GRIK5: variants seen among roughly 807,000 people sequenced by gnomAD.
The protein encoded by GRIK5 is glutamate ionotropic receptor kainate type subunit 5, also known as glutamate receptor ionotropic, kainate 5.
Under a neutral mutation model 97.4 loss-of-function variants are expected in GRIK5, and 43 were observed. The ratio of observed to expected loss-of-function variants is 0.44; its 90% CI spans 0.35 to 0.57. The LOEUF is 0.57. Among genes scored for constraint, GRIK5 ranks in the 20% least tolerant of loss-of-function variants. The pLI, the probability that GRIK5 is intolerant of heterozygous loss-of-function variation, is 0.01. For missense variants in GRIK5, 1,015 were observed against 1,382.0 expected, an observed-to-expected ratio of 0.73 and a Z score of 4.21; for synonymous variants, 580 against 583.5, an observed-to-expected ratio of 0.99 and a Z score of 0.09.
chr19:42,030,682 T>C (rs2075830893), intron 12 of GRIK5, among the ~76,000 whole-genome samples: 1 of 152,102 alleles, frequency 6.6e-6, no homozygotes, highest in Non-Finnish European at 1.5e-5. Context: ...GAGGCTGGTC[T>C]TGAACTCCTG....
chr19:42,037,423 C>A (rs1264335897), intron 12 of GRIK5, among the ~76,000 whole-genome samples: 4 of 152,190 alleles, frequency 2.6e-5, no homozygotes, highest in African/African-American at 9.7e-5. Context: ...CACGCCACTG[C>A]ACTCCAGCCT....
chr19:42,015,548 G>T (rs2075614149), intron 15 of GRIK5, among the ~76,000 whole-genome samples: 1 of 152,202 alleles, frequency 6.6e-6, no homozygotes, highest in African/African-American at 2.4e-5. Context: ...CTTGCTGCGT[G>T]ACCTTGGAAG....
rs2076400763 is a variant in GRIK5, at chr19:42,069,919, G to A, written c.-729C>T. 6.6e-6 allele frequency among the ~76,000 whole-genome samples: 1 copy of A among 152,268 alleles called. No homozygotes were observed. Among genetic ancestry groups the A allele is most frequent in the East Asian group, 1.9e-4 (1 of 5,178 alleles). On this transcript the variant is annotated 5_prime_UTR_variant, in exon 1 of 20. Transcript: ENST00000593562. ...GAGACCCGGAGAGGCCAAGAAGGGG[G>A]CAAATGAGGTGGAGAGATAGGGAGG...
At chr19:42,010,770 T>C (rs1015779879) in intron 15 of GRIK5, among the ~76,000 whole-genome samples, 12 of 152,230 alleles carry the variant, frequency 7.9e-5, no homozygotes, top group South Asian at 4.1e-4. Flanking sequence ...TGTGGGTAAA[T>C]AGAAAAGATA....
chr19:42,053,201 G>T (rs1334674783), intron 11 of GRIK5, among the ~76,000 whole-genome samples: 1 of 152,154 alleles, frequency 6.6e-6, no homozygotes, highest in Non-Finnish European at 1.5e-5. Flanking sequence ...TGGCTGTGCC[G>T]GGTGCTTGCT....
chr19:42,039,764 A>T (rs62119593), intron 12 of GRIK5, among the ~76,000 whole-genome samples: 102 of 152,044 alleles, frequency 6.7e-4, no homozygotes, highest in Admixed American at 2.0e-3. Flanking sequence ...AGGATTGCTT[A>T]AGCCCAGGAG....
chr19:42,007,189 G>C (rs2075503031), intron 15 of GRIK5, among the ~76,000 whole-genome samples: 1 of 151,688 alleles, frequency 6.6e-6, no homozygotes, highest in African/African-American at 2.4e-5. Flanking sequence ...CTACCTTTGG[G>C]GTTCAAGTGA....
intron 1 of GRIK5, among the ~76,000 whole-genome samples, chr19:42,067,069 G>C (rs2146192969): frequency 6.6e-6 from 1 of 152,344 alleles, no homozygotes; most frequent in African/African-American, 2.4e-5. Flanking sequence ...AGTTTGGCCA[G>C]ATGCACAGCT....
At chr19:42,054,105 A>C (rs2076151177) in intron 9 of GRIK5, among the ~76,000 whole-genome samples, 176 bp from the exon 10 acceptor site, 1 of 152,196 alleles carries the variant, frequency 6.6e-6, no homozygotes, top group Non-Finnish European at 1.5e-5. Flanking sequence ...CAAGGAAGCA[A>C]GAGGAGATGG....
At chr19:42,054,798 A>T (rs2076161815) in intron 8 of GRIK5, among the ~76,000 whole-genome samples, 1 of 152,160 alleles carries the variant, frequency 6.6e-6, no homozygotes, top group Non-Finnish European at 1.5e-5. Context: ...TGGGTGATGC[A>T]GGCCAGGGAA....
At chr19:42,051,506 T>C (rs934037834) in intron 11 of GRIK5, among the ~76,000 whole-genome samples, 15 of 151,996 alleles carry the variant, frequency 9.9e-5, no homozygotes, top group African/African-American at 3.6e-4. Flanking sequence ...GACAACTGAG[T>C]CCTTCAGAGC....
chr19:42,054,036 G>C, intron 9 of GRIK5, 107 bp from the exon 10 acceptor site: 1 of 745,358 alleles, frequency 1.3e-6, no homozygotes, highest in Non-Finnish European at 2.3e-6. Context: ...AGACAGACCG[G>C]GGTGGAGGGG....
chr19:42,020,545 C>T (rs936351196), intron 15 of GRIK5, among the ~76,000 whole-genome samples: 6 of 152,150 alleles, frequency 3.9e-5, no homozygotes, highest in Admixed American at 2.6e-4. Flanking sequence ...CATTCCCAGA[C>T]GTTTAAGGCA....
At chr19:42,011,351 G>C (rs1205887760) in intron 15 of GRIK5, among the ~76,000 whole-genome samples, 1 of 151,770 alleles carries the variant, frequency 6.6e-6, no homozygotes, top group East Asian at 2.0e-4. Context: ...AGGAGATCGA[G>C]ACCATCCTGG....
intron 3 of GRIK5, among the ~76,000 whole-genome samples, chr19:42,063,075 G>A (rs998270456): frequency 9.9e-5 from 15 of 152,170 alleles, no homozygotes; most frequent in Non-Finnish European, 1.5e-5. Flanking sequence ...AGCAACAGAG[G>A]GACAGGTCAG....
chr19:42,066,014 G>A (rs886121331), intron 1 of GRIK5, among the ~76,000 whole-genome samples, 194 bp from the exon 2 acceptor site: 1 of 152,156 alleles, frequency 6.6e-6, no homozygotes, highest in South Asian at 2.1e-4. Flanking sequence ...TCAGCTCAGA[G>A]GGGCACTACC....
chr19:42,022,610 C>T lies in GRIK5; in HGVS notation c.1474-256G>A, dbSNP rs578253201. The T allele has an allele frequency of 2.0e-6, 2 of 985,084 alleles. No individual in the cohort carries two copies. Among genetic ancestry groups the T allele is most frequent in the East Asian group, 1.1e-4 (1 of 8,802 alleles). 61.0% of individuals were successfully genotyped at this position (985,084 alleles called of 1,614,324 possible). ...TCCGTCCCCTAGGCCTCAACTGTGT[C>T]CCAGCATCAAGGGCTGGGGATGGAG... is the stretch of plus-strand genomic sequence containing the variant. On this transcript the variant is annotated intron_variant, in intron 12 of 19. Transcript: ENST00000593562. This position sits in a 1 kb window ranked among gnomAD's most constrained non-coding sequence, Gnocchi z 4.2.
At position 42,062,919 on chromosome 19, in the gene GRIK5, C is replaced by A. The variant is rs929812546; in HGVS notation, c.245-64G>T. On this transcript the variant is annotated intron_variant, in intron 3 of 19. Transcript: ENST00000593562. The surrounding 1 kb of genome is among the most constrained non-coding windows in gnomAD (Gnocchi z 5.3). ...CCCTGCCTCCTCTCCTTCCCCATCC[C>A]TCAGGGAGCCGCCATGGCCCAGGAG... 8.1e-7 allele frequency: 1 copy of A among 1,232,634 alleles called. No homozygotes were observed. Among genetic ancestry groups the A allele is most frequent in the Non-Finnish European group, 1.2e-6 (1 of 838,298 alleles). 76.4% of individuals were successfully genotyped at this position (1,232,634 alleles called of 1,614,324 possible).
chr19:42,011,627 TAAAAC>T (rs2075563948), intron 15 of GRIK5, among the ~76,000 whole-genome samples: 1 of 142,184 alleles, frequency 7.0e-6, no homozygotes, highest in East Asian at 2.1e-4. Flanking sequence ...CTAAGAAAAA[TAAAAC>T]AAAGAAGTAC....
Sources: gnomAD v4.1 joint callset for allele counts (sites outside exome capture counted in the v4.1 genomes callset) on GRCh38, gnomAD v4.1.1 for gene constraint, Gnocchi (gnomAD v3.1) non-coding constraint, MANE v1.5 for transcripts, NCBI Gene and HGNC (gene_info 2026-07-23, HGNC 2026-07-21) for gene names.